CPNE1: variants seen among roughly 807,000 people sequenced by gnomAD.
The protein encoded by CPNE1 is copine 1, also known as copine-1.
A neutral mutation model predicts 63.2 loss-of-function variants in CPNE1; 58 were observed. The ratio of observed to expected loss-of-function variants is 0.92; its 90% CI spans 0.74 to 1.14. The LOEUF (loss-of-function observed/expected upper bound fraction) is 1.14. Ranked by LOEUF, CPNE1 falls within the 50% of genes most tolerant of loss-of-function variation. CPNE1 has a pLI of 0.00. For missense variants in CPNE1, 672 were observed against 661.7 expected, an observed-to-expected ratio of 1.02 and a Z score of -0.17; for synonymous variants, 237 against 249.0, an observed-to-expected ratio of 0.95 and a Z score of 0.45.
At chr20:35,646,678 G>A (rs1470794523) in intron 1 of CPNE1, among the ~76,000 whole-genome samples, 7 of 152,152 alleles carry the variant, frequency 4.6e-5, no homozygotes. Flanking sequence ...GGGAGGAAAT[G>A]AACAGCAGCA....
At position 35,664,806 on chromosome 20, in the gene CPNE1, C is replaced by T. The variant is rs2034455415; in HGVS notation, c.-47G>A. 1 of 152,442 alleles carries T rather than the reference C, an allele frequency of 6.6e-6. No individual in the cohort carries two copies. Among genetic ancestry groups the T allele is most frequent in the Admixed American group, 6.5e-5 (1 of 15,290 alleles). 9.4% of individuals were successfully genotyped at this position (152,442 alleles called of 1,614,324 possible). A position where few individuals can be genotyped will look rare whatever the true frequency, so the allele number is the denominator to read the frequency against. On this transcript the variant is annotated 5_prime_UTR_variant, in exon 1 of 16. Coordinates refer to ENST00000397443, the MANE Select transcript of CPNE1 (RefSeq NM_152925.3). ...AGAACCCAGACCCCGAATTACCCCC[C>T]GCGCGAGTGCCTCCGCCCCGCGGCC... is the stretch of plus-strand genomic sequence containing the variant.
At chr20:35,657,061 A>C (rs2033943577) in intron 1 of CPNE1, among the ~76,000 whole-genome samples, 1 of 145,750 alleles carries the variant, frequency 6.9e-6, no homozygotes, top group African/African-American at 2.8e-5. Flanking sequence ...TGGCTTTGAC[A>C]GTTTTCTCAC....
chr20:35,662,575 C>T (rs1450908088), intron 1 of CPNE1, among the ~76,000 whole-genome samples: 3 of 152,190 alleles, frequency 2.0e-5, no homozygotes, highest in African/African-American at 7.2e-5. Flanking sequence ...CATCTAAAAG[C>T]ATCTTTTGTG....
intron 1 of CPNE1, among the ~76,000 whole-genome samples, chr20:35,641,877 G>A (rs991975049): frequency 1.2e-4 from 19 of 152,198 alleles, no homozygotes. Flanking sequence ...AAATACTTGA[G>A]GCAAGTCTGC....
chr20:35,658,802 A>AACACACACACAC (rs10542710), intron 1 of CPNE1: 92 of 473,572 alleles, frequency 1.9e-4, no homozygotes, highest in African/African-American at 1.7e-3. Context: ...AGCAAACAAA[A>AACACACACACAC]ACACACACAC....
chr20:35,661,930 A>G (rs1432126139), intron 1 of CPNE1, among the ~76,000 whole-genome samples: 2 of 152,212 alleles, frequency 1.3e-5, no homozygotes, highest in Non-Finnish European at 2.9e-5. Flanking sequence ...CACCTCAGAG[A>G]TTAGCAACAG....
In CPNE1 at chr20:35,632,943, G is replaced by A. The variant is rs763167726; in HGVS notation, c.1-20C>T. 1.2e-6 allele frequency: 1 copy of A among 865,364 alleles called. No homozygotes were observed. Among genetic ancestry groups the A allele is most frequent in the Non-Finnish European group, 2.0e-6 (1 of 497,696 alleles). 53.6% of individuals were successfully genotyped at this position (865,364 alleles called of 1,614,324 possible). On this transcript the variant is annotated intron_variant, in intron 1 of 15. Coordinates refer to ENST00000397443, the MANE Select transcript of CPNE1 (RefSeq NM_152925.3). ...GGCCATCTGAGGGAAAAGGAGCTGG[G>A]TCAAGCACCAGGGAGCCTTCTCTCC... is the stretch of plus-strand genomic sequence containing the variant.
chr20:35,654,723 T>A (rs146987227), intron 1 of CPNE1: 1 of 1,613,668 alleles, frequency 6.2e-7, no homozygotes, highest in Non-Finnish European at 8.5e-7. Context: ...ATGGCATTGG[T>A]GGCAGAGATG....
chr20:35,634,023 AG>A (rs1250820739), intron 1 of CPNE1, among the ~76,000 whole-genome samples: 1 of 148,324 alleles, frequency 6.7e-6, no homozygotes, highest in Non-Finnish European at 1.5e-5. Context: ...GCACCTTGGG[AG>A]GCCAAGGTGG....
chr20:35,657,474 G>C (rs566780633), intron 1 of CPNE1, among the ~76,000 whole-genome samples: 1 of 152,168 alleles, frequency 6.6e-6, no homozygotes, highest in South Asian at 2.1e-4. Context: ...TTGAGAGAGA[G>C]AGAGAGACTA....
In CPNE1 at chr20:35,626,261, C is replaced by A. The variant is rs764911073; in HGVS notation, c.1594G>T (p.Ala532Ser). The change falls in exon 16 of 16, where the codon GCA becomes TCA. Residue 532 changes from alanine (A) to serine (S), a missense_variant. Physicochemically the swap from Ala to Ser is moderately conservative, Grantham distance 99. Coordinates refer to ENST00000397443, the MANE Select transcript of CPNE1 (RefSeq NM_152925.3). Reference sequence around the variant, plus strand: ...GGAACCTAGGCCTGGGGGGCCTGTGCAGGATCCTTGGCTGAGGGTGGAAGT... The same window carrying A: ...GGAACCTAGGCCTGGGGGGCCTGTGAAGGATCCTTGGCTGAGGGTGGAAGT... ...KPLPPSAKDP[A>S]QAPQA is the part of the protein sequence containing the mutation. 1.2e-6 allele frequency: 2 copies of A among 1,614,010 alleles called. No homozygotes were observed. Among genetic ancestry groups the A allele is most frequent in the Admixed American group, 1.7e-5 (1 of 60,002 alleles).
chr20:35,652,603 C>G, intron 1 of CPNE1: 3 of 1,614,146 alleles, frequency 1.9e-6, no homozygotes, highest in Non-Finnish European at 2.5e-6. Context: ...GGCTTCATCC[C>G]GAGACTCAAA....
At position 35,626,215 on chromosome 20, in the gene CPNE1, G is replaced by C. The variant is rs868261919; in HGVS notation, c.*26C>G. 5.6e-6 allele frequency: 9 copies of C among 1,613,790 alleles called. No individual in the cohort carries two copies. In the East Asian group the frequency reaches 2.0e-4, roughly 36 times the overall value. On this transcript the variant is annotated 3_prime_UTR_variant, in exon 16 of 16. Transcript: ENST00000397443. ...AGGGACCTCTGGGACACAGGATTGA[G>C]GACTTGCCACAGCCTCCAAGGGAAC...
intron 1 of CPNE1, chr20:35,655,494 T>C (rs527533405): frequency 1.7e-5 from 12 of 713,618 alleles, no homozygotes; most frequent in African/African-American, 3.6e-5. Context: ...TTCTAAAAAC[T>C]GAACATTACG....
intron 1 of CPNE1, among the ~76,000 whole-genome samples, chr20:35,645,723 T>C (rs1364661546): frequency 6.6e-6 from 1 of 152,188 alleles, no homozygotes; most frequent in Non-Finnish European, 1.5e-5. Context: ...GTAGTTGCAT[T>C]AATGTCCATC....
intron 11 of CPNE1, 47 bp downstream of exon 11, chr20:35,630,854 G>A (rs750722522): frequency 6.0e-5 from 96 of 1,604,170 alleles, no homozygotes; most frequent in Middle Eastern, 1.7e-4. Flanking sequence ...CTCAGAGGCT[G>A]AAGCATCTGC....
chr20:35,643,869 C>A (rs945520439), intron 1 of CPNE1, among the ~76,000 whole-genome samples: 3 of 152,148 alleles, frequency 2.0e-5, no homozygotes, highest in African/African-American at 7.2e-5. Context: ...AGGCTCCTTC[C>A]CCAGCAGCTC....
intron 1 of CPNE1, among the ~76,000 whole-genome samples, chr20:35,636,789 A>G (rs995763872): frequency 6.6e-6 from 1 of 152,146 alleles, no homozygotes; most frequent in East Asian, 1.9e-4. Context: ...TAATAATAAT[A>G]ATAGGAAGAG....
Position 35,654,681 on chromosome 20 carries a change from T to C in CPNE1, c.-1+10079A>G, listed in dbSNP as rs776949054. 10 of 1,613,272 alleles carry C rather than the reference T, an allele frequency of 6.2e-6. No individual in the cohort carries two copies. In the Admixed American group the frequency reaches 1.7e-4, roughly 27 times the overall value. On this transcript the variant is annotated intron_variant, in intron 1 of 15. Coordinates refer to ENST00000397443, the MANE Select transcript of CPNE1 (RefSeq NM_152925.3). ...CAGGAGGCACAGGAGGCAATGTAGG[T>C]ACTGGAGGAGGAACTGGAATTGGGG... is the stretch of plus-strand genomic sequence containing the variant.
Sources: gnomAD v4.1 joint callset for allele counts (sites outside exome capture counted in the v4.1 genomes callset) on GRCh38, gnomAD v4.1.1 for gene constraint, MANE v1.5 for transcripts, NCBI Gene and HGNC (gene_info 2026-07-23, HGNC 2026-07-21) for gene names.